ASXL3: variants seen among roughly 807,000 people sequenced by gnomAD.
The protein encoded by ASXL3 is putative Polycomb group protein ASXL3.
A neutral mutation model predicts 170.6 loss-of-function variants in ASXL3; 34 were observed. The ratio of observed to expected loss-of-function variants is 0.20; its 90% CI spans 0.15 to 0.27. The LOEUF is 0.27. Ranked by LOEUF, ASXL3 falls within the 10% of genes least tolerant of loss-of-function variation. The pLI is 1.00. For missense variants in ASXL3, 2,592 were observed against 2,695.3 expected (o/e 0.96, Z 0.85); for synonymous variants, 1,002 against 989.1 (o/e 1.01, Z -0.24).
intron 8 of ASXL3, among the ~76,000 whole-genome samples, chr18:33,721,571 T>G (rs952651400): frequency 6.6e-6 from 1 of 152,056 alleles, no homozygotes; most frequent in African/African-American, 2.4e-5. Context: ...AGGCTTTTAT[T>G]ATGACATCTA....
At chr18:33,628,346 G>T (rs2065630307) in intron 2 of ASXL3, among the ~76,000 whole-genome samples, 1 of 152,018 alleles carries the variant, frequency 6.6e-6, no homozygotes, top group Admixed American at 6.6e-5. Context: ...AAAAGATTTT[G>T]AAAAGAAGAA....
chr18:33,688,249 C>T (rs2066630018), intron 8 of ASXL3, among the ~76,000 whole-genome samples: 1 of 152,102 alleles, frequency 6.6e-6, no homozygotes, highest in Non-Finnish European at 1.5e-5. Flanking sequence ...TAAAATGGTG[C>T]ACTTGTGGTA....
At chr18:33,742,763 G>T in intron 11 of ASXL3, 125 bp from the exon 12 acceptor site, 2 of 1,339,418 alleles carry the variant, frequency 1.5e-6, no homozygotes, top group Non-Finnish European at 2.0e-6. Flanking sequence ...AGGGATTTAG[G>T]TGTAGTTCAT....
intron 8 of ASXL3, among the ~76,000 whole-genome samples, chr18:33,713,264 T>TG (rs1568343569): frequency 3.3e-5 from 4 of 121,402 alleles, no homozygotes; most frequent in Admixed American, 8.5e-5. Flanking sequence ...TTTTTTTTTT[T>TG]TTTTTTTTTT....
At chr18:33,649,512 TC>T (rs2065964857) in intron 4 of ASXL3, 1 of 152,096 alleles carries the variant, frequency 6.6e-6, no homozygotes, top group Non-Finnish European at 1.5e-5. Flanking sequence ...TTAAGGACAT[TC>T]TTAAGGTTAG....
chr18:33,672,018 G>A (rs2066351625), intron 7 of ASXL3, among the ~76,000 whole-genome samples, 152 bp downstream of exon 7: 1 of 152,064 alleles, frequency 6.6e-6, no homozygotes, highest in African/African-American at 2.4e-5. Flanking sequence ...TGCTAAATAA[G>A]GAAACATTCT....
Position 33,740,374 on chromosome 18 carries a change from C to A in ASXL3, c.2970C>A (p.Asn990Lys). Reference protein sequence around the residue: ...ARIEDDQSTRNISSSSPPEKE... With the variant: ...ARIEDDQSTRKISSSSPPEKE... ...TAGAAGATGATCAGTCAACCCGGAA[C>A]ATATCATCTAGCAGCCCACCTGAGA... The change falls in exon 11 of 12, where the codon AAC becomes AAA. Residue 990 changes from asparagine (N) to lysine (K), a missense_variant. Around this residue, in one of 4 missense-constraint regions of ASXL3, gnomAD observed 2,246 missense variants for 2,219.6 expected, o/e 1.01. Transcript: ENST00000269197. The A allele has an allele frequency of 6.2e-7, 1 of 1,609,444 alleles. No homozygotes were observed. The highest frequency in any genetic ancestry group is 8.5e-7 in the Non-Finnish European group (1 of 1,178,218).
intron 8 of ASXL3, among the ~76,000 whole-genome samples, chr18:33,726,536 C>T (rs911664187): frequency 2.6e-5 from 4 of 152,028 alleles, no homozygotes; most frequent in African/African-American, 9.7e-5. Flanking sequence ...TGTAAAATAT[C>T]TCATTAACAA....
Position 33,671,751 on chromosome 18 carries a change from T to A in ASXL3, c.600T>A (p.Ser200=). 1.2e-6 allele frequency: 2 copies of A among 1,602,292 alleles called. No individual in the cohort carries two copies. The highest frequency in any genetic ancestry group is 1.7e-6 in the Non-Finnish European group (2 of 1,174,340). Residue 200 remains serine (S), a synonymous_variant, in exon 7 of 12, where the codon TCT becomes TCA. Coordinates refer to ENST00000269197, the MANE Select transcript of ASXL3 (RefSeq NM_030632.3). ...SDEQSDSPSG[S]ESKNGEADSS... The stretch of plus-strand genomic sequence containing the variant: ...AATAACTATTTCCTTTTTTAGGATC[T>A]GAATCTAAAAATGGTGAAGCAGACA...
chr18:33,746,253 C>T lies in ASXL3; in HGVS notation c.6405C>T (p.Thr2135=). ...TTTCTGAGCCACAAAAGCCTTTTAC[C>T]CAATTAGCTGCTCAGAAAATGCAGG... is the stretch of plus-strand genomic sequence containing the variant. The part of the protein sequence containing the change: ...YLLSEPQKPF[T]QLAAQKMQVQ... Residue 2135 remains threonine, a synonymous_variant, in exon 12 of 12, where the codon ACC becomes ACT. Coordinates refer to ENST00000269197, the MANE Select transcript of ASXL3 (RefSeq NM_030632.3). 2 of 1,613,946 alleles carry T rather than the reference C, an allele frequency of 1.2e-6. No homozygotes were observed. Among genetic ancestry groups the T allele is most frequent in the Non-Finnish European group, 1.7e-6 (2 of 1,179,898 alleles).
intron 11 of ASXL3, among the ~76,000 whole-genome samples, chr18:33,742,177 G>A (rs997183855): frequency 6.6e-6 from 1 of 152,218 alleles, no homozygotes; most frequent in Admixed American, 6.5e-5. Context: ...AGAACACGCT[G>A]ACAAATGTAG....
intron 1 of ASXL3, among the ~76,000 whole-genome samples, chr18:33,589,065 A>G (rs766911860): frequency 3.3e-5 from 5 of 152,144 alleles, no homozygotes; most frequent in Non-Finnish European, 4.4e-5. Context: ...TCAGGCTGTT[A>G]TATGGGTTAT....
chr18:33,722,550 G>C (rs1298855283), intron 8 of ASXL3, among the ~76,000 whole-genome samples: 1 of 152,108 alleles, frequency 6.6e-6, no homozygotes, highest in Non-Finnish European at 1.5e-5. Flanking sequence ...TGAAAGCTTG[G>C]AGAGGTGAAG....
chr18:33,703,079 T>C (rs1484371176), intron 8 of ASXL3, among the ~76,000 whole-genome samples: 3 of 152,122 alleles, frequency 2.0e-5, no homozygotes, highest in Non-Finnish European at 4.4e-5. Context: ...CTCTTCTTAG[T>C]TATCTCTTTC....
intron 7 of ASXL3, among the ~76,000 whole-genome samples, chr18:33,677,927 T>G (rs1391795193): frequency 6.6e-6 from 1 of 152,156 alleles, no homozygotes; most frequent in Non-Finnish European, 1.5e-5. Flanking sequence ...TCTCACTCTT[T>G]TGTGTAAGCT....
intron 1 of ASXL3, among the ~76,000 whole-genome samples, chr18:33,583,133 TG>T (rs2065007164): frequency 6.6e-6 from 1 of 152,168 alleles, no homozygotes; most frequent in Non-Finnish European, 1.5e-5. Flanking sequence ...TCTTTGTATT[TG>T]GGAAATAAAT....
chr18:33,642,926 G>A (rs1040020251), intron 2 of ASXL3, among the ~76,000 whole-genome samples: 2 of 151,822 alleles, frequency 1.3e-5, no homozygotes, highest in African/African-American at 4.8e-5. Flanking sequence ...AATCTGAGTT[G>A]TTGGAATCAT....
chr18:33,640,806 T>C (rs2065834989), intron 2 of ASXL3, among the ~76,000 whole-genome samples: 1 of 152,000 alleles, frequency 6.6e-6, no homozygotes, highest in Non-Finnish European at 1.5e-5. Context: ...TTAATAGCAC[T>C]AAGCACAGTA....
chr18:33,703,687 A>C (rs2066915335), intron 8 of ASXL3, among the ~76,000 whole-genome samples: 1 of 149,812 alleles, frequency 6.7e-6, no homozygotes, highest in Non-Finnish European at 1.5e-5. Flanking sequence ...CCCTCTCCTC[A>C]CTTTTTGGCC....
Sources: allele counts gnomAD v4.1 joint callset (sites outside exome capture counted in the v4.1 genomes callset), GRCh38; gene constraint gnomAD v4.1.1; regional missense constraint gnomAD v4.1.1; transcripts MANE v1.5; gene names NCBI Gene and HGNC (gene_info 2026-07-23, HGNC 2026-07-21).